The following MTSS1 variants were observed in gnomAD, a reference collection of about 807,000 sequenced individuals.
The protein encoded by MTSS1 is protein MTSS 1.
In MTSS1, 18 loss-of-function variants were observed where a neutral mutation model predicts 79.0. The observed-to-expected ratio is 0.23, with a 90% CI of 0.16 to 0.34. The LOEUF (loss-of-function observed/expected upper bound fraction) is 0.34. MTSS1 is among the 10% of genes least tolerant of loss of function. The probability of loss-of-function intolerance (pLI) is 1.00; values close to 1 mark genes in which losing one functional copy is unlikely to be tolerated. For synonymous variants in MTSS1, 341 were observed against 368.6 expected, an observed-to-expected ratio of 0.93 and a Z score of 0.86; for missense variants, 815 against 986.2, an observed-to-expected ratio of 0.83 and a Z score of 2.33.
intron 3 of MTSS1, among the ~76,000 whole-genome samples, chr8:124,657,451 ATG>A (rs1251055704): frequency 6.7e-6 from 1 of 148,182 alleles, no homozygotes; most frequent in African/African-American, 2.6e-5. Context: ...TTCTCAACAC[ATG>A]TGTTATTAAA....
intron 3 of MTSS1, among the ~76,000 whole-genome samples, chr8:124,618,755 C>T (rs1812891470): frequency 6.6e-6 from 1 of 152,146 alleles, no homozygotes; most frequent in Non-Finnish European, 1.5e-5. Context: ...AAACACCAGA[C>T]CAGAAGAGGG....
intron 3 of MTSS1, among the ~76,000 whole-genome samples, chr8:124,613,905 T>C (rs1361000826): frequency 6.6e-6 from 1 of 152,196 alleles, no homozygotes. Flanking sequence ...ACAGTGGCTG[T>C]CATCCTAGCA....
At chr8:124,696,235 G>A (rs971802359) in intron 3 of MTSS1, among the ~76,000 whole-genome samples, 1 of 152,050 alleles carries the variant, frequency 6.6e-6, no homozygotes, top group Non-Finnish European at 1.5e-5. Context: ...TAATCCACCT[G>A]CCTCGGCCTC....
intron 3 of MTSS1, among the ~76,000 whole-genome samples, chr8:124,665,859 C>T (rs1477275202): frequency 7.1e-6 from 1 of 140,640 alleles, no homozygotes; most frequent in Non-Finnish European, 1.5e-5. Context: ...ACGAGTGAAA[C>T]TCCTTCTCAA....
At chr8:124,662,556 G>A (rs1209234400) in intron 3 of MTSS1, among the ~76,000 whole-genome samples, 1 of 152,102 alleles carries the variant, frequency 6.6e-6, no homozygotes, top group African/African-American at 2.4e-5. Context: ...TCCGGGCTCT[G>A]CCCCAGGCCT....
At chr8:124,591,654 C>A (rs1340294926) in intron 3 of MTSS1, among the ~76,000 whole-genome samples, 1 of 152,200 alleles carries the variant, frequency 6.6e-6, no homozygotes, top group Non-Finnish European at 1.5e-5. Context: ...CTCAACAATT[C>A]TGACAAAATA....
In MTSS1 at chr8:124,556,356, T is replaced by G. The variant is rs1407433412; in HGVS notation, c.1280A>C (p.Gln427Pro). The stretch of plus-strand genomic sequence containing the variant: ...CGGTTCTCGCTTCTCTTTGCGGCGC[T>G]GCAGGGTGTTCACCAGAGGCTGGTC... The part of the protein sequence containing the change: ...PYDQPLVNTL[Q>P]RRKEKREPDP... The change falls in exon 12 of 14, where the codon CAG becomes CCG. Residue 427 changes from glutamine to proline, a missense_variant. Gln to Pro is a moderately conservative substitution (Grantham distance 76, BLOSUM62 -1). Coordinates refer to ENST00000518547, the MANE Select transcript of MTSS1 (RefSeq NM_014751.6). The G allele has an allele frequency of 6.2e-7, 1 of 1,614,036 alleles. No homozygotes were observed. The highest frequency in any genetic ancestry group is 8.5e-7 in the Non-Finnish European group (1 of 1,180,012).
chr8:124,622,782 G>T (rs1161334372), intron 3 of MTSS1, among the ~76,000 whole-genome samples: 1 of 138,822 alleles, frequency 7.2e-6, no homozygotes, highest in Non-Finnish European at 1.5e-5. Context: ...GGCAGAGCAG[G>T]GAGTCCATCT....
intron 3 of MTSS1, among the ~76,000 whole-genome samples, chr8:124,691,708 G>T (rs1827962592): frequency 6.6e-6 from 1 of 152,032 alleles, no homozygotes; most frequent in Admixed American, 6.6e-5. Context: ...TAGAGATGGG[G>T]TTTCACCATA....
intron 11 of MTSS1, among the ~76,000 whole-genome samples, chr8:124,556,794 G>A (rs2131796739): frequency 6.6e-6 from 1 of 152,368 alleles, no homozygotes; most frequent in Non-Finnish European, 1.5e-5. Flanking sequence ...CCCGTTAGGG[G>A]AATGGCCACC....
Position 124,704,127 on chromosome 8 carries a change from T to C in MTSS1, c.134+3A>G. 6.2e-7 allele frequency: 1 copy of C among 1,613,800 alleles called. No homozygotes were observed. Among genetic ancestry groups the C allele is most frequent in the Non-Finnish European group, 8.5e-7 (1 of 1,179,776 alleles). On this transcript the variant is annotated splice_donor_region_variant and intron_variant, in intron 2 of 13. Coordinates refer to ENST00000518547, the MANE Select transcript of MTSS1 (RefSeq NM_014751.6). ...TTCCTGTAGAACATGTGCTTCTACT[T>C]ACCGAAGCTGGGACTGCAGCTTTCC...
chr8:124,661,701 G>T (rs1822064857), intron 3 of MTSS1, among the ~76,000 whole-genome samples: 1 of 152,108 alleles, frequency 6.6e-6, no homozygotes, highest in African/African-American at 2.4e-5. Context: ...CCCCTCAAAG[G>T]CCGGGGCTAG....
intron 6 of MTSS1, chr8:124,580,525 C>T: frequency 1.3e-6 from 2 of 1,535,838 alleles, no homozygotes; most frequent in Non-Finnish European, 8.7e-7. Flanking sequence ...TGAGCAGCCA[C>T]CAGAGATTTG....
chr8:124,610,897 T>C (rs1835675386), intron 3 of MTSS1, among the ~76,000 whole-genome samples: 2 of 152,212 alleles, frequency 1.3e-5, no homozygotes, highest in Admixed American at 1.3e-4. Flanking sequence ...AATACAGAGC[T>C]AGTTTCCAAT....
chr8:124,685,620 T>C (rs1485633802), intron 3 of MTSS1, among the ~76,000 whole-genome samples: 1 of 151,978 alleles, frequency 6.6e-6, no homozygotes, highest in African/African-American at 2.4e-5. Flanking sequence ...CAGGAGAGAA[T>C]GACATATTCA....
intron 3 of MTSS1, among the ~76,000 whole-genome samples, chr8:124,596,887 G>A (rs1241743137): frequency 1.3e-5 from 2 of 152,102 alleles, no homozygotes; most frequent in Non-Finnish European, 2.9e-5. Context: ...CTGTGTGTGT[G>A]TGTCTAAATT....
chr8:124,558,649 T>C, intron 10 of MTSS1: 1 of 1,463,732 alleles, frequency 6.8e-7, no homozygotes, highest in Non-Finnish European at 9.0e-7. Flanking sequence ...GTGAGGGCTG[T>C]CTGAGCAGCA....
chr8:124,568,114 G>A (rs1826928659), intron 7 of MTSS1: 1 of 713,074 alleles, frequency 1.4e-6, no homozygotes, highest in African/African-American at 1.8e-5. Context: ...CTGCTGACCT[G>A]GGGACCTCAC....
At chr8:124,613,900 G>A (rs547296016) in intron 3 of MTSS1, among the ~76,000 whole-genome samples, 1 of 152,202 alleles carries the variant, frequency 6.6e-6, no homozygotes, top group African/African-American at 2.4e-5. Context: ...TGGGCACAGT[G>A]GCTGTCATCC....
Sources: allele counts gnomAD v4.1 joint callset (sites outside exome capture counted in the v4.1 genomes callset), GRCh38; gene constraint gnomAD v4.1.1; transcripts MANE v1.5; gene names NCBI Gene and HGNC (gene_info 2026-07-23, HGNC 2026-07-21).